The following ZNF106 variants were observed in gnomAD, a reference collection of about 807,000 sequenced individuals.
ZNF106 encodes the protein zinc finger protein 106, also known as SH3-domain binding protein 3.
A neutral mutation model predicts 195.1 loss-of-function variants in ZNF106; 67 were observed. The ratio of observed to expected loss-of-function variants is 0.34; its 90% CI spans 0.28 to 0.42. The LOEUF (loss-of-function observed/expected upper bound fraction) is 0.42, where lower values mean the gene tolerates loss of function less well. Ranked by LOEUF, ZNF106 falls within the 10% of genes least tolerant of loss-of-function variation. The pLI, the probability that ZNF106 is intolerant of heterozygous loss-of-function variation, is 1.00. For missense variants in ZNF106, 2,118 were observed against 2,304.5 expected (o/e 0.92, Z 1.66); for synonymous variants, 784 against 818.6 (o/e 0.96, Z 0.72).
intron 15 of ZNF106, chr15:42,425,622 C>G (rs955363802): frequency 6.6e-6 from 1 of 152,462 alleles, no homozygotes; most frequent in Admixed American, 6.5e-5. Flanking sequence ...CTGCCGCAGC[C>G]TCCTGAGTAG....
intron 4 of ZNF106, among the ~76,000 whole-genome samples, chr15:42,455,957 A>G (rs2056212314): frequency 6.6e-6 from 1 of 152,212 alleles, no homozygotes; most frequent in Non-Finnish European, 1.5e-5. Context: ...TTAGACCAGA[A>G]AGCAGTAAGG....
At chr15:42,449,726 T>C (rs1203481886) in intron 5 of ZNF106, 45 bp downstream of exon 5, 25 of 1,558,092 alleles carry the variant, frequency 1.6e-5, no homozygotes, top group Non-Finnish European at 1.6e-5. Context: ...AGGGTTACTT[T>C]AAAAGAAAGT....
intron 2 of ZNF106, 48 bp from the exon 3 acceptor site, chr15:42,466,162 A>G (rs1484850045): frequency 7.0e-7 from 1 of 1,438,798 alleles, no homozygotes; most frequent in Non-Finnish European, 9.2e-7. Context: ...ATTGCTTTGA[A>G]AAAAAAAAAC....
At chr15:42,423,185 T>C (rs912918701) in intron 17 of ZNF106, among the ~76,000 whole-genome samples, 21 of 151,796 alleles carry the variant, frequency 1.4e-4, no homozygotes, top group African/African-American at 4.8e-4. Flanking sequence ...CTGGGCAACA[T>C]GGCAAGACTC....
intron 11 of ZNF106, 104 bp downstream of exon 11, chr15:42,438,929 T>C (rs1027629219): frequency 8.9e-5 from 120 of 1,353,094 alleles, no homozygotes; most frequent in Admixed American, 5.6e-4. Flanking sequence ...TGCATTCACA[T>C]AAAGTTTGGT....
chr15:42,446,408 C>G (rs1003027965), intron 7 of ZNF106, among the ~76,000 whole-genome samples, 181 bp downstream of exon 7: 1 of 152,076 alleles, frequency 6.6e-6, no homozygotes, highest in African/African-American at 2.4e-5. Flanking sequence ...TAGCTAGACC[C>G]TGTCTCTACA....
Position 42,448,286 on chromosome 15 carries a change from A to T in ZNF106, c.2921T>A (p.Leu974Ter). The stretch of plus-strand genomic sequence containing the variant: ...CTCCTGGCTGTTCAAGTCTTTTGCC[A>T]AATGCATCAAAGGTATTATATGGTC... Reference protein sequence around the residue: ...SSDHIIPLMHLAKDLNSQERS... With the variant: ...SSDHIIPLMH The change falls in exon 6 of 22, where the codon TTG becomes TAG. Residue 974 changes from leucine (L) to a stop codon, truncating the protein, a stop_gained. Coordinates refer to ENST00000564754, the MANE Select transcript of ZNF106 (RefSeq NM_001366845.3). LOFTEE classifies it high-confidence loss of function. 6.2e-7 allele frequency: 1 copy of T among 1,614,194 alleles called. No individual in the cohort carries two copies.
chr15:42,475,095 G>A (rs1306578249), intron 1 of ZNF106, among the ~76,000 whole-genome samples: 1 of 152,152 alleles, frequency 6.6e-6, no homozygotes, highest in Non-Finnish European at 1.5e-5. Flanking sequence ...GTGATTACTC[G>A]GCAGTTTTCT....
intron 20 of ZNF106, among the ~76,000 whole-genome samples, chr15:42,418,531 A>ATTTT (rs2054537554): frequency 1.1e-5 from 1 of 89,612 alleles, no homozygotes; most frequent in African/African-American, 5.9e-5. Context: ...ACGGCCAGTT[A>ATTTT]ATTTTTTTTT....
At chr15:42,420,747 C>G (rs2054624415) in intron 20 of ZNF106, among the ~76,000 whole-genome samples, 2 of 151,912 alleles carry the variant, frequency 1.3e-5, no homozygotes, top group African/African-American at 4.8e-5. Flanking sequence ...CCTCAAAAAC[C>G]AATGAGGACA....
intron 1 of ZNF106, among the ~76,000 whole-genome samples, chr15:42,484,614 C>T (rs981110595): frequency 5.3e-5 from 8 of 152,050 alleles, no homozygotes; most frequent in African/African-American, 1.4e-4. Context: ...GATGCGTGCC[C>T]GTAGTCCCAC....
In ZNF106 at chr15:42,450,062, G is replaced by T; in HGVS notation, c.2210C>A (p.Pro737His). The change falls in exon 5 of 22, where the codon CCT becomes CAT. Residue 737 changes from proline (P) to histidine (H), a missense_variant. Pro to His is a moderately conservative substitution (Grantham distance 77). Transcript: ENST00000564754. ...AAGCTTACTTAGTTCAGGCAGGAGA[G>T]GGCCCGAGGGCTGACTGATGTCACT... ...QKSDISQPSG[P>H]LLPELSKLGF... is the part of the protein sequence containing the mutation. 1 of 1,614,196 alleles carries T rather than the reference G, an allele frequency of 6.2e-7. No individual in the cohort carries two copies. The highest frequency in any genetic ancestry group is 8.5e-7 in the Non-Finnish European group (1 of 1,180,032).
intron 1 of ZNF106, among the ~76,000 whole-genome samples, chr15:42,475,638 A>G (rs535484018): frequency 4.0e-4 from 61 of 152,340 alleles, no homozygotes; most frequent in African/African-American, 1.4e-3. Context: ...TAAGTGCTGT[A>G]GCATACTACT....
At chr15:42,455,070 T>G (rs998299484) in intron 4 of ZNF106, among the ~76,000 whole-genome samples, 1 of 152,056 alleles carries the variant, frequency 6.6e-6, no homozygotes, top group Non-Finnish European at 1.5e-5. Context: ...AAAATAGAAG[T>G]CTCCCAGAGG....
At position 42,489,194 on chromosome 15, in the gene ZNF106, AT is replaced by A. The variant is rs201464614; in HGVS notation, c.-33+1785del. 8.6e-3 allele frequency among the ~76,000 whole-genome samples: 1,243 copies of A among 144,042 alleles called. 22 individuals are homozygous for A. Among genetic ancestry groups the A allele is most frequent in the African/African-American group, 0.029 (1,148 of 39,474 alleles). 94.5% of individuals were successfully genotyped at this position (144,042 alleles called of 152,430 possible). On this transcript the variant is annotated intron_variant, in intron 1 of 21. Transcript: ENST00000564754. The stretch of plus-strand genomic sequence containing the variant: ...CCAGGCCATTTTTTATTATTTTTTA[AT>A]TTTTTTTTTTTGAGATGGAGTTTCG...
Position 42,444,880 on chromosome 15 carries a change from C to CT in ZNF106, c.3306dup (p.Ala1103SerfsTer30). 3 of 1,614,172 alleles carry CT rather than the reference C, an allele frequency of 1.9e-6. No individual in the cohort carries two copies. Among genetic ancestry groups the CT allele is most frequent in the Non-Finnish European group, 2.5e-6 (3 of 1,180,026 alleles). ...ACTTCCACATAAGCTGTCTGAAGGG[C>CT]TGCACGGGCTTGCAGAAGATTGTTA... On this transcript the variant is annotated frameshift_variant, in exon 8 of 22. Transcript: ENST00000564754. LOFTEE classifies it high-confidence loss of function.
intron 6 of ZNF106, among the ~76,000 whole-genome samples, chr15:42,447,434 C>A (rs2055812959): frequency 6.6e-6 from 1 of 152,076 alleles, no homozygotes; most frequent in Non-Finnish European, 1.5e-5. Flanking sequence ...AGATCCCAGA[C>A]TGTATCACTA....
intron 8 of ZNF106, 130 bp downstream of exon 8, chr15:42,444,697 A>G: frequency 8.7e-7 from 1 of 1,149,380 alleles, no homozygotes; most frequent in Non-Finnish European, 1.2e-6. Context: ...CATTAGGCAC[A>G]GTCTGGGGCA....
At position 42,439,813 on chromosome 15, in the gene ZNF106, C is replaced by G; in HGVS notation, c.3764G>C (p.Arg1255Thr). 6.6e-7 allele frequency: 1 copy of G among 1,511,952 alleles called. No homozygotes were observed. Among genetic ancestry groups the G allele is most frequent in the African/African-American group, 1.4e-5 (1 of 70,798 alleles). 93.7% of individuals were successfully genotyped at this position (1,511,952 alleles called of 1,614,324 possible). Residue 1255 changes from arginine to threonine, a missense_variant and splice_region_variant, in exon 11 of 22, where the codon AGA becomes ACA. By Grantham distance (71) the Arg-to-Thr change is moderately conservative. Coordinates refer to ENST00000564754, the MANE Select transcript of ZNF106 (RefSeq NM_001366845.3). ...NVSKELLEAN[R>T]EISDSCPVYP... ...AACTGGACAACTGTCACTGATCTCT[C>G]CTGAATTGAGAGGAAAAAAATTATT... is the stretch of plus-strand genomic sequence containing the variant.
Sources: allele counts gnomAD v4.1 joint callset (sites outside exome capture counted in the v4.1 genomes callset), GRCh38; gene constraint gnomAD v4.1.1; transcripts MANE v1.5; gene names NCBI Gene and HGNC (gene_info 2026-07-23, HGNC 2026-07-21).